Variants in INPP4B observed in about 807,000 individuals in gnomAD.
The protein encoded by INPP4B is inositol polyphosphate-4-phosphatase type II B.
In INPP4B, 55 loss-of-function variants were observed where a neutral mutation model predicts 122.5. The observed-to-expected ratio is 0.45, with a 90% confidence interval of 0.36 to 0.56. INPP4B has a LOEUF of 0.56. Among genes scored for constraint, INPP4B ranks in the 20% least tolerant of loss-of-function variants. The probability of loss-of-function intolerance (pLI) is 0.00; values close to 1 mark genes in which losing one functional copy is unlikely to be tolerated. For missense variants in INPP4B, 1,000 were observed against 1,097.7 expected, an observed-to-expected ratio of 0.91 and a Z score of 1.26; for synonymous variants, 403 against 388.7, an observed-to-expected ratio of 1.04 and a Z score of -0.43.
At chr4:142,719,599 C>T (rs914597527) in intron 2 of INPP4B, among the ~76,000 whole-genome samples, 1 of 152,056 alleles carries the variant, frequency 6.6e-6, no homozygotes, top group African/African-American at 2.4e-5. Context: ...GCTGGGATTA[C>T]AGGCATGACC....
intron 2 of INPP4B, among the ~76,000 whole-genome samples, chr4:142,712,202 T>G (rs1378865778): frequency 6.6e-6 from 1 of 152,178 alleles, no homozygotes; most frequent in Admixed American, 6.5e-5. Context: ...GCTTCTAGAA[T>G]TGTTAGAAAT....
intron 15 of INPP4B, among the ~76,000 whole-genome samples, chr4:142,180,581 T>G (rs1203906082): frequency 6.6e-6 from 1 of 152,186 alleles, no homozygotes; most frequent in African/African-American, 2.4e-5. Context: ...GAACAAATAT[T>G]AATTCAAGAT....
At chr4:142,636,094 A>T (rs557930993) in intron 2 of INPP4B, among the ~76,000 whole-genome samples, 1 of 152,088 alleles carries the variant, frequency 6.6e-6, no homozygotes, top group South Asian at 2.1e-4. Flanking sequence ...TTCGCACAAG[A>T]TCTGATGGTT....
At chr4:142,138,303 G>C (rs535044567) in intron 18 of INPP4B, among the ~76,000 whole-genome samples, 1 of 146,208 alleles carries the variant, frequency 6.8e-6, no homozygotes, top group African/African-American at 2.5e-5. Context: ...ACCAAACACC[G>C]CATGTTCTCA....
intron 7 of INPP4B, among the ~76,000 whole-genome samples, chr4:142,381,046 T>C (rs1359595177): frequency 6.6e-6 from 1 of 152,134 alleles, no homozygotes; most frequent in Non-Finnish European, 1.5e-5. Context: ...TTTTCACCAT[T>C]ATAAGCAATA....
At chr4:142,445,258 A>T (rs1319928685) in intron 3 of INPP4B, among the ~76,000 whole-genome samples, 1 of 152,154 alleles carries the variant, frequency 6.6e-6, no homozygotes, top group Non-Finnish European at 1.5e-5. Flanking sequence ...CATAAAAGAG[A>T]TCCACAGTAG....
At chr4:142,328,568 T>C (rs1773311771) in intron 7 of INPP4B, among the ~76,000 whole-genome samples, 1 of 152,186 alleles carries the variant, frequency 6.6e-6, no homozygotes, top group Admixed American at 6.5e-5. Flanking sequence ...ACAATGCAGG[T>C]CTCTCCTGTT....
chr4:142,712,418 T>C (rs1203350190), intron 2 of INPP4B, among the ~76,000 whole-genome samples: 1 of 152,214 alleles, frequency 6.6e-6, no homozygotes, highest in Non-Finnish European at 1.5e-5. Context: ...TACCTATACA[T>C]GAGCCTGGAT....
At chr4:142,059,867 A>G (rs1406866001) in intron 25 of INPP4B, among the ~76,000 whole-genome samples, 1 of 152,130 alleles carries the variant, frequency 6.6e-6, no homozygotes, top group Non-Finnish European at 1.5e-5. Flanking sequence ...CTTGAAGACA[A>G]GCTGGTTCTG....
rs1461491884 is a variant in INPP4B, at chr4:142,027,322, A to ATC, written c.*1458_*1459dup. On this transcript the variant is annotated 3_prime_UTR_variant, in exon 26 of 26. Transcript: ENST00000262992. The stretch of plus-strand genomic sequence containing the variant: ...CAACAGGAATCCTAGGCAAGGAGCT[A>ATC]TCACATTAGCTATGGGAAGCATAAT... 1 of 152,222 alleles carries ATC rather than the reference A, an allele frequency of 6.6e-6. No individual in the cohort carries two copies. Among genetic ancestry groups the ATC allele is most frequent in the African/African-American group, 2.4e-5 (1 of 41,462 alleles). The allele number at this position is 152,222 out of a possible 1,614,324, so 9.4% of individuals were successfully genotyped here.
At chr4:142,556,425 T>C (rs182840269) in intron 2 of INPP4B, among the ~76,000 whole-genome samples, 1 of 152,234 alleles carries the variant, frequency 6.6e-6, no homozygotes, top group East Asian at 1.9e-4. Flanking sequence ...AGGACATGGG[T>C]TAGAATTATG....
intron 2 of INPP4B, among the ~76,000 whole-genome samples, chr4:142,657,053 T>G (rs1754290453): frequency 6.6e-6 from 1 of 152,206 alleles, no homozygotes; most frequent in Non-Finnish European, 1.5e-5. Flanking sequence ...CCTCTCAGAT[T>G]AGACATCTGC....
At chr4:142,100,040 T>C (rs960111119) in intron 23 of INPP4B, among the ~76,000 whole-genome samples, 4 of 152,110 alleles carry the variant, frequency 2.6e-5, no homozygotes, top group Admixed American at 6.6e-5. Flanking sequence ...ATGGATTTGT[T>C]TGAAATTACT....
Position 142,303,705 on chromosome 4 carries a change from C to T in INPP4B, c.503+1753G>A, listed in dbSNP as rs116008267. On this transcript the variant is annotated intron_variant, in intron 9 of 25. Transcript: ENST00000262992. ...AGCCATTTCAGAATTGGTTTTCTAA[C>T]ATTATTTTTTCTAGAAAAGTCAATT... 5.4e-3 allele frequency among the ~76,000 whole-genome samples: 826 copies of T among 152,070 alleles called. 13 individuals are homozygous for T. The highest frequency in any genetic ancestry group is 0.019 in the African/African-American group (782 of 41,520).
chr4:142,662,237 A>C (rs536351064), intron 2 of INPP4B, among the ~76,000 whole-genome samples: 45 of 152,072 alleles, frequency 3.0e-4, no homozygotes, highest in African/African-American at 1.0e-3. Flanking sequence ...TGCCTCAAAA[A>C]AAAAAACAAA....
chr4:142,334,155 G>T (rs956822948), intron 7 of INPP4B, among the ~76,000 whole-genome samples: 9 of 152,152 alleles, frequency 5.9e-5, no homozygotes, highest in African/African-American at 2.2e-4. Context: ...TGCCCTCAAG[G>T]TTCATCCATT....
chr4:142,146,084 G>T (rs1810551974), intron 17 of INPP4B, 88 bp from the exon 18 acceptor site: 2 of 1,425,732 alleles, frequency 1.4e-6, no homozygotes, highest in African/African-American at 2.8e-5. Context: ...AGAAGCATTT[G>T]GAAGGGTAGT....
chr4:142,625,337 AACAG>A (rs1396573374), intron 2 of INPP4B, among the ~76,000 whole-genome samples: 1 of 152,160 alleles, frequency 6.6e-6, no homozygotes. Flanking sequence ...ATACACCAAT[AACAG>A]ACAAAGAGAG....
At chr4:142,476,161 A>G (rs1197374825) in intron 2 of INPP4B, among the ~76,000 whole-genome samples, 1 of 152,242 alleles carries the variant, frequency 6.6e-6, no homozygotes, top group Non-Finnish European at 1.5e-5. Flanking sequence ...GAAACCTACA[A>G]GCCAGAACAG....
Sources: allele counts gnomAD v4.1 joint callset (sites outside exome capture counted in the v4.1 genomes callset), GRCh38; gene constraint gnomAD v4.1.1; transcripts MANE v1.5; gene names NCBI Gene and HGNC (gene_info 2026-07-23, HGNC 2026-07-21).